The following NLRP5 variants were observed in gnomAD, a reference collection of about 807,000 sequenced individuals.
NLRP5 encodes NACHT, LRR and PYD domains-containing protein 5.
Under a neutral mutation model 113.1 loss-of-function variants are expected in NLRP5, and 93 were observed. The observed-to-expected ratio is 0.82, with a 90% CI of 0.70 to 0.98. The LOEUF (loss-of-function observed/expected upper bound fraction) is 0.98. Ranked by LOEUF, NLRP5 falls within the 50% of genes least tolerant of loss-of-function variation. NLRP5 has a pLI of 0.00. For synonymous variants in NLRP5, 751 were observed against 600.7 expected (o/e 1.25, Z -3.66); for missense variants, 1,808 against 1,514.3 (o/e 1.19, Z -3.22).
At chr19:56,000,883 G>A (rs111898262) in intron 1 of NLRP5, among the ~76,000 whole-genome samples, 165 of 151,874 alleles carry the variant, frequency 1.1e-3, no homozygotes, top group African/African-American at 3.7e-3. Context: ...GTGCACGCCT[G>A]TAATCCCAGC....
At chr19:55,989,579 G>A in the NLRP5 span, among the ~76,000 whole-genome samples, 1 of 152,126 alleles carries the variant, frequency 6.6e-6, no homozygotes, top group East Asian at 1.9e-4. Flanking sequence ...TGAAAGAGCA[G>A]CAATATGAGA....
intron 6 of NLRP5, 126 bp downstream of exon 6, chr19:56,020,557 G>C (rs1223578104): frequency 1.9e-6 from 2 of 1,070,078 alleles, no homozygotes; most frequent in African/African-American, 1.6e-5. Context: ...TTTGTCTCTG[G>C]TGTCAACCCC....
intron 12 of NLRP5, among the ~76,000 whole-genome samples, chr19:56,053,154 G>A (rs1983992564): frequency 6.6e-6 from 1 of 152,094 alleles, no homozygotes; most frequent in African/African-American, 2.4e-5. Context: ...CCAGCACTTT[G>A]AGAGGCCGAG....
chr19:56,032,581 G>C, intron 7 of NLRP5, 30 bp from the exon 8 acceptor site: 1 of 1,594,624 alleles, frequency 6.3e-7, no homozygotes, highest in Non-Finnish European at 8.6e-7. Context: ...TCCATCCCAT[G>C]AGCCCATGTT....
chr19:56,040,876 T>C lies in NLRP5; in HGVS notation c.2787-46T>C, dbSNP rs530762893. On this transcript the variant is annotated intron_variant, in intron 10 of 14. Coordinates refer to ENST00000390649, the MANE Select transcript of NLRP5 (RefSeq NM_153447.4). The stretch of plus-strand genomic sequence containing the variant: ...TGTAAAGGAGGGAAAGATGGAACTT[T>C]AAGAAGGCATCTCATCATGTCCTCT... 83 of 1,541,562 alleles carry C rather than the reference T, an allele frequency of 5.4e-5. No individual in the cohort carries two copies. The South Asian group carries it at 9.1e-4, about 17-fold the overall frequency.
At chr19:56,050,290 A>AAG in intron 11 of NLRP5, 128 bp from the exon 12 acceptor site, 3 of 770,416 alleles carry the variant, frequency 3.9e-6, no homozygotes, top group Non-Finnish European at 5.6e-6. Context: ...AAAAAAAAAG[A>AAG]AAAAAAAACA....
At chr19:55,998,135 A>G (rs140397110), upstream of NLRP5, among the ~76,000 whole-genome samples, 21 of 152,266 alleles carry the variant, frequency 1.4e-4, no homozygotes, top group East Asian at 3.9e-3. Flanking sequence ...TTAAGTAGGA[A>G]TTCCAAAGAT....
intron 9 of NLRP5, among the ~76,000 whole-genome samples, chr19:56,034,705 C>G (rs550994784): frequency 1.1e-4 from 16 of 152,270 alleles, no homozygotes; most frequent in Non-Finnish European, 1.6e-4. Context: ...GCTCCATCAG[C>G]GCTTGAGATC....
At chr19:56,023,451 C>T (rs1568489040) in intron 6 of NLRP5, among the ~76,000 whole-genome samples, 4 of 152,178 alleles carry the variant, frequency 2.6e-5, no homozygotes, top group Admixed American at 2.6e-4. Context: ...TTCAACTAAC[C>T]ATCGATCAAA....
At chr19:56,044,296 T>C (rs1310851778) in intron 11 of NLRP5, among the ~76,000 whole-genome samples, 3 of 151,904 alleles carry the variant, frequency 2.0e-5, no homozygotes, top group African/African-American at 4.8e-5. Flanking sequence ...ACTCCTGATA[T>C]GCCCACCTCA....
rs1339694220 is a variant in NLRP5 at position 56,032,733 on chromosome 19, C to A, written c.2399C>A (p.Thr800Asn). 1.2e-6 allele frequency: 2 copies of A among 1,612,806 alleles called. No individual in the cohort carries two copies. The highest frequency in any genetic ancestry group is 1.7e-6 in the Non-Finnish European group (2 of 1,179,712). ...ATCCTGACAGAGCGGGCCATGAAGA[C>A]CCTGTGTGCCAAGCTGAGGCATCCC... Residue 800 changes from threonine (T) to asparagine (N), a missense_variant, in exon 8 of 15, where the codon ACC becomes AAC. Physicochemically the swap from Thr to Asn is moderately conservative, Grantham distance 65. Transcript: ENST00000390649.
chr19:56,024,369 ATATATGTGT>A (rs1982731915), intron 6 of NLRP5, among the ~76,000 whole-genome samples: 1 of 136,384 alleles, frequency 7.3e-6, no homozygotes, highest in Admixed American at 7.5e-5. Context: ...ACAAATATAT[ATATATGTGT>A]ATATATAACA....
At chr19:56,024,353 AAAAG>A (rs1982729048) in intron 6 of NLRP5, among the ~76,000 whole-genome samples, 1 of 143,736 alleles carries the variant, frequency 7.0e-6, no homozygotes, top group Non-Finnish European at 1.5e-5. Flanking sequence ...AAAAAAAAAA[AAAAG>A]AACAAATATA....
chr19:56,002,710 G>T lies in NLRP5; in HGVS notation c.63-1006G>T, dbSNP rs968801746. On this transcript the variant is annotated intron_variant, in intron 1 of 14. Transcript: ENST00000390649. ...AATTCCCACCTATGAGTGAGAACATGCAGTGTTTGGCTTTTTGTCCTTGCG... is the reference window on the plus strand; with the variant it reads ...AATTCCCACCTATGAGTGAGAACATTCAGTGTTTGGCTTTTTGTCCTTGCG... 7.4e-5 allele frequency among the ~76,000 whole-genome samples: 11 copies of T among 147,914 alleles called. 1 individual carries two copies. The highest frequency in any genetic ancestry group is 2.8e-4 in the African/African-American group (11 of 39,184).
At chr19:55,997,156 A>G (rs1981351299), upstream of NLRP5, among the ~76,000 whole-genome samples, 1 of 151,996 alleles carries the variant, frequency 6.6e-6, no homozygotes, top group Non-Finnish European at 1.5e-5. Flanking sequence ...GTCTGTTCAT[A>G]TCCTTTGCCC....
intron 1 of NLRP5, chr19:55,999,808 A>T (rs1981561039): frequency 6.3e-7 from 1 of 1,595,296 alleles, no homozygotes; most frequent in Admixed American, 1.7e-5. Context: ...TCTTAGAGTT[A>T]CCTATGAGGA....
chr19:55,990,079 C>CTTTTTTTTTTTTTTTTTTTT, the NLRP5 span, among the ~76,000 whole-genome samples: 25 of 95,954 alleles, frequency 2.6e-4, no homozygotes, highest in Non-Finnish European at 4.2e-4. Flanking sequence ...TTTCTTTTTT[C>CTTTTTTTTTTTTTTTTTTTT]TTTTTTTTTT....
chr19:56,032,831 C>T (rs1405705458), intron 8 of NLRP5, 50 bp downstream of exon 8: 2 of 1,532,644 alleles, frequency 1.3e-6, no homozygotes, highest in African/African-American at 2.7e-5. Context: ...GACGCTATCC[C>T]AGCTCTCCCC....
chr19:56,005,042 C>T (rs1048177842), intron 2 of NLRP5, among the ~76,000 whole-genome samples: 1 of 147,610 alleles, frequency 6.8e-6, no homozygotes, highest in Non-Finnish European at 1.5e-5. Context: ...TGCAGTGAGC[C>T]GAGATTATGC....
Sources: gnomAD v4.1 joint callset for allele counts (sites outside exome capture counted in the v4.1 genomes callset) on GRCh38, gnomAD v4.1.1 for gene constraint, MANE v1.5 for transcripts, NCBI Gene and HGNC (gene_info 2026-07-23, HGNC 2026-07-21) for gene names.